The following MAN1C1 variants were observed in gnomAD, a reference collection of about 807,000 sequenced individuals.
MAN1C1 encodes the protein mannosidase alpha class 1C member 1, also known as mannosyl-oligosaccharide 1,2-alpha-mannosidase IC.
In MAN1C1, 49 loss-of-function variants were observed where a neutral mutation model predicts 71.5. That is an observed-to-expected ratio of 0.69 (90% CI 0.54 to 0.87). The LOEUF (loss-of-function observed/expected upper bound fraction) is 0.87. MAN1C1 is among the 40% of genes least tolerant of loss of function. MAN1C1 has a pLI of 0.00. For missense variants in MAN1C1, 743 were observed against 835.0 expected, an observed-to-expected ratio of 0.89 and a Z score of 1.36; for synonymous variants, 352 against 343.7, an observed-to-expected ratio of 1.02 and a Z score of -0.27.
At chr1:25,641,713 T>C (rs2045539993) in intron 1 of MAN1C1, among the ~76,000 whole-genome samples, 1 of 152,226 alleles carries the variant, frequency 6.6e-6, no homozygotes, top group Admixed American at 6.5e-5. Context: ...CTTTTCTGGC[T>C]GTAGTTCCCT....
intron 2 of MAN1C1, among the ~76,000 whole-genome samples, chr1:25,738,741 A>G (rs2047017020): frequency 6.6e-6 from 1 of 152,180 alleles, no homozygotes; most frequent in African/African-American, 2.4e-5. Context: ...AAACTGATAC[A>G]TGGCTCTCTA....
intron 2 of MAN1C1, among the ~76,000 whole-genome samples, chr1:25,732,258 A>G (rs2046919457): frequency 6.6e-6 from 1 of 152,024 alleles, no homozygotes; most frequent in Non-Finnish European, 1.5e-5. Context: ...TGTGGTCTCA[A>G]AGCCAAGAGT....
At chr1:25,689,971 A>G (rs1295490637) in intron 2 of MAN1C1, among the ~76,000 whole-genome samples, 1 of 152,144 alleles carries the variant, frequency 6.6e-6, no homozygotes, top group East Asian at 1.9e-4. Context: ...TGAGATTTAC[A>G]GGAGCTGCAG....
At position 25,686,309 on chromosome 1, in the gene MAN1C1, C is replaced by A. The variant is rs567471127; in HGVS notation, c.541-131C>A. ...AATCATGTTGCGAGGAAGTCACTTT[C>A]TCCAATTTGGAAAATTTGGAAGGTT... is the stretch of plus-strand genomic sequence containing the variant. On this transcript the variant is annotated intron_variant, in intron 1 of 11. Coordinates refer to ENST00000374332, the MANE Select transcript of MAN1C1 (RefSeq NM_020379.4). 3.7e-4 allele frequency: 274 copies of A among 744,802 alleles called. 2 individuals carry two copies. The highest frequency in any genetic ancestry group is 2.9e-3 in the Middle Eastern group (11 of 3,744). The allele number at this position is 744,802 out of a possible 1,614,324, so 46.1% of individuals were successfully genotyped here.
chr1:25,759,052 C>T (rs1315457770), intron 6 of MAN1C1: 3 of 250,920 alleles, frequency 1.2e-5, no homozygotes, highest in South Asian at 6.8e-5. Flanking sequence ...CACCACCTTG[C>T]ATTGGCAGGA....
chr1:25,645,905 G>C (rs1403415441), intron 1 of MAN1C1: 1 of 152,318 alleles, frequency 6.6e-6, no homozygotes, highest in African/African-American at 2.4e-5. Flanking sequence ...TGCCACAGCA[G>C]TCCCTGTCTC....
intron 2 of MAN1C1, among the ~76,000 whole-genome samples, chr1:25,714,951 T>G (rs2046661022): frequency 1.3e-5 from 2 of 152,236 alleles, no homozygotes; most frequent in South Asian, 4.1e-4. Flanking sequence ...CAAGCCCATT[T>G]AAGTTCAATT....
At chr1:25,696,886 G>T (rs555945229) in intron 2 of MAN1C1, among the ~76,000 whole-genome samples, 62 of 152,212 alleles carry the variant, frequency 4.1e-4, no homozygotes, top group African/African-American at 1.3e-3. Context: ...GCCTCAAGGG[G>T]TCCTCCTGCC....
chr1:25,695,551 A>G (rs1484925058), intron 2 of MAN1C1, among the ~76,000 whole-genome samples: 1 of 152,128 alleles, frequency 6.6e-6, no homozygotes, highest in East Asian at 1.9e-4. Flanking sequence ...ATCAGAGCAA[A>G]GCACGCCTCG....
At chr1:25,690,519 C>T (rs995996467) in intron 2 of MAN1C1, among the ~76,000 whole-genome samples, 1 of 152,232 alleles carries the variant, frequency 6.6e-6, no homozygotes, top group African/African-American at 2.4e-5. Flanking sequence ...TCTCAAACTC[C>T]TGACCTTGTG....
Position 25,730,840 on chromosome 1 carries a change from C to T in MAN1C1, c.638-15828C>T, listed in dbSNP as rs545089131. Reference sequence around the variant, plus strand: ...TGTTCATGGAGTCCTGCACCCTTCACCTGATTCAGGCCACCCACATCTGCG... The same window carrying T: ...TGTTCATGGAGTCCTGCACCCTTCATCTGATTCAGGCCACCCACATCTGCG... On this transcript the variant is annotated intron_variant, in intron 2 of 11. Transcript: ENST00000374332. The surrounding 1 kb of genome is among the most constrained non-coding windows in gnomAD (Gnocchi z 4.3). Among the ~76,000 whole-genome samples, 1 of 152,322 alleles carries T rather than the reference C, an allele frequency of 6.6e-6. No individual in the cohort carries two copies. The highest frequency in any genetic ancestry group is 1.9e-4 in the East Asian group (1 of 5,174).
Position 25,764,085 on chromosome 1 carries a change from C to T in MAN1C1, c.1141+118C>T. ...GTGTCTGTCAGAGCCATGCAGCCAGCAAGGCATTCGCTCGGTGCTCCTGGA... is the reference window on the plus strand; with the variant it reads ...GTGTCTGTCAGAGCCATGCAGCCAGTAAGGCATTCGCTCGGTGCTCCTGGA... On this transcript the variant is annotated intron_variant, in intron 7 of 11. Transcript: ENST00000374332. This position sits in a 1 kb window ranked among gnomAD's most constrained non-coding sequence, Gnocchi z 4.4. 1 of 821,726 alleles carries T rather than the reference C, an allele frequency of 1.2e-6. No homozygotes were observed. The highest frequency in any genetic ancestry group is 2.2e-5 in the Admixed American group (1 of 45,696). 50.9% of individuals were successfully genotyped at this position (821,726 alleles called of 1,614,324 possible). A position where few individuals can be genotyped will look rare whatever the true frequency, so the allele number is the denominator to read the frequency against.
chr1:25,636,569 G>C (rs1255592041), intron 1 of MAN1C1, among the ~76,000 whole-genome samples: 4 of 152,132 alleles, frequency 2.6e-5, no homozygotes, highest in Non-Finnish European at 4.4e-5. Context: ...GTCTTCCCTT[G>C]TTCCCTGAAA....
intron 6 of MAN1C1, among the ~76,000 whole-genome samples, chr1:25,763,486 CAA>C (rs60144894): frequency 1.8e-3 from 156 of 87,608 alleles, no homozygotes; most frequent in Admixed American, 2.7e-3. Flanking sequence ...GAGACTGTCT[CAA>C]AAAAAAAAAA....
intron 1 of MAN1C1, among the ~76,000 whole-genome samples, chr1:25,675,584 C>CGGG (rs61385512): frequency 1.6e-4 from 9 of 56,452 alleles, no homozygotes; most frequent in African/African-American, 3.9e-4. Context: ...ACTTATTTTG[C>CGGG]GGGGGGGGGG....
intron 1 of MAN1C1, among the ~76,000 whole-genome samples, chr1:25,620,221 G>A (rs2045185971): frequency 6.6e-6 from 1 of 152,138 alleles, no homozygotes; most frequent in Admixed American, 6.5e-5. Context: ...TAACATGATG[G>A]GAGAAGGTCT....
chr1:25,723,396 C>T (rs2046792294), intron 2 of MAN1C1, among the ~76,000 whole-genome samples: 1 of 152,220 alleles, frequency 6.6e-6, no homozygotes, highest in African/African-American at 2.4e-5. Context: ...TGCCACCAAT[C>T]CCAGAGCCTT....
intron 1 of MAN1C1, among the ~76,000 whole-genome samples, chr1:25,670,360 C>A (rs1321807243): frequency 1.3e-5 from 2 of 152,194 alleles, no homozygotes; most frequent in Admixed American, 1.3e-4. Context: ...TTCACTTAAA[C>A]CTGTTTCTTT....
chr1:25,734,315 G>A (rs2046951913), intron 2 of MAN1C1, among the ~76,000 whole-genome samples: 1 of 152,028 alleles, frequency 6.6e-6, no homozygotes, highest in Admixed American at 6.5e-5. Flanking sequence ...TTTTAGTAGA[G>A]ATGGGGTTTC....
Sources: allele counts gnomAD v4.1 joint callset (sites outside exome capture counted in the v4.1 genomes callset), GRCh38; gene constraint gnomAD v4.1.1; non-coding constraint Gnocchi (gnomAD v3.1); transcripts MANE v1.5; gene names NCBI Gene and HGNC (gene_info 2026-07-23, HGNC 2026-07-21).